Variants in NFAM1 observed in about 807,000 individuals in gnomAD.
The protein encoded by NFAM1 is NFAT activating protein with ITAM motif 1.
A neutral mutation model predicts 29.0 loss-of-function variants in NFAM1; 17 were observed. The observed-to-expected ratio is 0.59, with a 90% CI of 0.40 to 0.88. The LOEUF (loss-of-function observed/expected upper bound fraction) is 0.88, where lower values mean the gene tolerates loss of function less well. Among genes scored for constraint, NFAM1 ranks in the 40% least tolerant of loss-of-function variants. The pLI, the probability that NFAM1 is intolerant of heterozygous loss-of-function variation, is 0.00. For missense variants in NFAM1, 324 were observed against 344.6 expected, an observed-to-expected ratio of 0.94 and a Z score of 0.47; for synonymous variants, 175 against 147.2, an observed-to-expected ratio of 1.19 and a Z score of -1.36.
upstream of NFAM1, among the ~76,000 whole-genome samples, chr22:42,433,738 C>T (rs1042213658): frequency 4.6e-5 from 7 of 152,150 alleles, no homozygotes; most frequent in African/African-American, 1.7e-4. Context: ...GCGCAGGGGG[C>T]AGGCGGGGAC....
Position 42,409,384 on chromosome 22 carries a change from G to A in NFAM1, c.564+51C>T, listed in dbSNP as rs753120315. On this transcript the variant is annotated intron_variant, in intron 3 of 5. Coordinates refer to ENST00000329021, the MANE Select transcript of NFAM1 (RefSeq NM_145912.8). This position sits in a 1 kb window ranked among gnomAD's most constrained non-coding sequence, Gnocchi z 4.9. ...CCCTGCAGAGGGCAGGCGGGCAGCC[G>A]GTGGCGTGTCGGGTGGAGGGGCTGC... 2.7e-5 allele frequency: 28 copies of A among 1,020,714 alleles called. No homozygotes were observed. The highest frequency in any genetic ancestry group is 9.6e-5 in the South Asian group (5 of 52,338). 63.2% of individuals were successfully genotyped at this position (1,020,714 alleles called of 1,614,324 possible). A position where few individuals can be genotyped will look rare whatever the true frequency, so the allele number is the denominator to read the frequency against.
chr22:42,416,277 C>A (rs950771320), intron 1 of NFAM1, among the ~76,000 whole-genome samples: 1 of 152,106 alleles, frequency 6.6e-6, no homozygotes, highest in African/African-American at 2.4e-5. Flanking sequence ...TTGAGACCAG[C>A]CTGAGCACAT....
At chr22:42,386,568 C>A (rs1177904933) in intron 5 of NFAM1, among the ~76,000 whole-genome samples, 1 of 152,186 alleles carries the variant, frequency 6.6e-6, no homozygotes, top group African/African-American at 2.4e-5. Context: ...CAACACCAAC[C>A]TGGGGGCAGC....
intron 3 of NFAM1, among the ~76,000 whole-genome samples, chr22:42,405,748 C>T (rs1353307928): frequency 1.3e-5 from 2 of 152,180 alleles, no homozygotes; most frequent in Non-Finnish European, 2.9e-5. Context: ...GCACAGAGCC[C>T]TCCTGGACTT....
chr22:42,437,717 C>A, the NFAM1 span, among the ~76,000 whole-genome samples: 5 of 152,292 alleles, frequency 3.3e-5, no homozygotes, highest in East Asian at 9.7e-4. Flanking sequence ...ACCCTTCTTC[C>A]CCCTCTAGGG....
intron 4 of NFAM1, among the ~76,000 whole-genome samples, chr22:42,394,931 A>C (rs1431064290): frequency 5.3e-5 from 8 of 152,140 alleles, no homozygotes; most frequent in Non-Finnish European, 2.9e-5. Context: ...CAGCCTGGGC[A>C]ATATAGTGAG....
chr22:42,433,918 G>A (rs1930879156), upstream of NFAM1, among the ~76,000 whole-genome samples: 1 of 152,142 alleles, frequency 6.6e-6, no homozygotes, highest in Non-Finnish European at 1.5e-5. Context: ...GGTACACGGG[G>A]AGCATTGGAA....
chr22:42,415,303 T>TC (rs1299763568), intron 1 of NFAM1, among the ~76,000 whole-genome samples: 2 of 142,746 alleles, frequency 1.4e-5, no homozygotes, highest in East Asian at 2.0e-4. Context: ...TCTTTTTTTT[T>TC]TTTTTTTTTT....
chr22:42,426,693 G>A (rs935628898), intron 1 of NFAM1, among the ~76,000 whole-genome samples: 1 of 152,206 alleles, frequency 6.6e-6, no homozygotes, highest in Non-Finnish European at 1.5e-5. Context: ...AGGCCATGGT[G>A]AGCCCCTTGG....
At chr22:42,417,834 G>C (rs1459845674) in intron 1 of NFAM1, among the ~76,000 whole-genome samples, 1 of 152,174 alleles carries the variant, frequency 6.6e-6, no homozygotes, top group Non-Finnish European at 1.5e-5. Context: ...AGGGCCATCA[G>C]AGGCAGGGTT....
chr22:42,414,389 G>A (rs533932517), intron 1 of NFAM1, among the ~76,000 whole-genome samples: 149 of 152,070 alleles, frequency 9.8e-4, no homozygotes, highest in African/African-American at 3.4e-3. Flanking sequence ...GGACTTATCC[G>A]AGATGGGACA....
At chr22:42,397,513 G>A (rs1435142480) in intron 4 of NFAM1, among the ~76,000 whole-genome samples, 1 of 152,142 alleles carries the variant, frequency 6.6e-6, no homozygotes, top group Non-Finnish European at 1.5e-5. Flanking sequence ...AGGAGGAAGT[G>A]GTAAGAGCTG....
At chr22:42,394,185 G>A (rs2147094575) in intron 4 of NFAM1, among the ~76,000 whole-genome samples, 1 of 152,114 alleles carries the variant, frequency 6.6e-6, no homozygotes, top group South Asian at 2.1e-4. Context: ...ACAGGCATGT[G>A]CCACCATGCC....
At chr22:42,436,268 C>T (rs1305125959), upstream of NFAM1, among the ~76,000 whole-genome samples, 3 of 152,316 alleles carry the variant, frequency 2.0e-5, no homozygotes, top group Non-Finnish European at 2.9e-5. Context: ...CTCCCCGCTG[C>T]GGCTGCGAAA....
intron 1 of NFAM1, among the ~76,000 whole-genome samples, chr22:42,414,424 G>A (rs1203030207): frequency 1.3e-5 from 2 of 152,060 alleles, no homozygotes; most frequent in Non-Finnish European, 2.9e-5. Context: ...ATATAGAGAT[G>A]GGGGCTGTTA....
intron 1 of NFAM1, among the ~76,000 whole-genome samples, chr22:42,420,639 G>A (rs1402174121): frequency 3.3e-5 from 5 of 151,856 alleles, no homozygotes; most frequent in African/African-American, 9.7e-5. Context: ...GGTGGCAGGC[G>A]CCTGTGATCC....
At chr22:42,389,660 G>A (rs970795847) in intron 4 of NFAM1, among the ~76,000 whole-genome samples, 26 of 126,990 alleles carry the variant, frequency 2.0e-4, no homozygotes, top group African/African-American at 7.6e-4. Context: ...GCTGGGCTGG[G>A]TGTTGGGGGC....
upstream of NFAM1, chr22:42,437,069 C>G: frequency 1.4e-6 from 1 of 726,864 alleles, no homozygotes; most frequent in Non-Finnish European, 1.7e-6. Flanking sequence ...TCCCCAACCC[C>G]GCCACACCAA....
chr22:42,404,585 G>A (rs1534914), intron 3 of NFAM1, among the ~76,000 whole-genome samples: 4,266 of 152,222 alleles, frequency 0.028, 205 homozygotes, highest in African/African-American at 0.099. Flanking sequence ...GAAAGCTTCT[G>A]CTGTGTGTCA....
Sources: allele counts gnomAD v4.1 joint callset (sites outside exome capture counted in the v4.1 genomes callset), GRCh38; gene constraint gnomAD v4.1.1; non-coding constraint Gnocchi (gnomAD v3.1); transcripts MANE v1.5; gene names NCBI Gene and HGNC (gene_info 2026-07-23, HGNC 2026-07-21).